The following ZPBP variants were observed in gnomAD, a reference collection of about 807,000 sequenced individuals.
ZPBP encodes zona pellucida binding protein.
ZPBP carries 26 observed loss-of-function variants against 44.8 expected under a neutral mutation model. The observed-to-expected ratio is 0.58, with a 90% CI of 0.43 to 0.81. The LOEUF is 0.81. ZPBP is among the 30% of genes least tolerant of loss of function. The pLI is 0.00. For synonymous variants in ZPBP, 174 were observed against 153.2 expected (o/e 1.14, Z -1.00); for missense variants, 409 against 434.0 (o/e 0.94, Z 0.51).
At chr7:49,968,967 T>G (rs1251000113) in intron 7 of ZPBP, among the ~76,000 whole-genome samples, 2 of 151,750 alleles carry the variant, frequency 1.3e-5, no homozygotes, top group Non-Finnish European at 2.9e-5. Context: ...ATAATGTTAT[T>G]CCATTTAAAT....
intron 4 of ZPBP, among the ~76,000 whole-genome samples, chr7:50,042,041 T>C (rs913676395): frequency 6.6e-6 from 1 of 151,938 alleles, no homozygotes; most frequent in Non-Finnish European, 1.5e-5. Flanking sequence ...CAAGTATCAA[T>C]AGCCAAATCA....
intron 2 of ZPBP, among the ~76,000 whole-genome samples, chr7:49,869,466 A>G (rs143821265): frequency 0.014 from 2,059 of 152,342 alleles, 38 homozygotes; most frequent in African/African-American, 0.047. Context: ...GATATAGGGA[A>G]AAAATTATCT....
At chr7:50,030,501 T>TAAA (rs11368628) in intron 5 of ZPBP, among the ~76,000 whole-genome samples, 15 of 149,858 alleles carry the variant, frequency 1.0e-4, no homozygotes, top group South Asian at 2.1e-4. Flanking sequence ...AATAATAATT[T>TAAA]AAAAAAAAAC....
At chr7:49,890,031 A>G (rs1792064970) in intron 2 of ZPBP, among the ~76,000 whole-genome samples, 1 of 151,062 alleles carries the variant, frequency 6.6e-6, no homozygotes, top group African/African-American at 2.4e-5. Flanking sequence ...AAGTATCAGA[A>G]CAAAGAACAC....
At chr7:49,963,683 A>T (rs1183306120) in intron 7 of ZPBP, among the ~76,000 whole-genome samples, 1 of 151,848 alleles carries the variant, frequency 6.6e-6, no homozygotes, top group East Asian at 1.9e-4. Flanking sequence ...AAATGTTTAA[A>T]ATTAAAATTA....
intron 2 of ZPBP, among the ~76,000 whole-genome samples, chr7:49,896,436 G>T (rs1250094620): frequency 6.6e-6 from 1 of 151,900 alleles, no homozygotes; most frequent in Non-Finnish European, 1.5e-5. Context: ...CATTAGAAAA[G>T]AGAAAAAAAT....
At chr7:49,925,528 G>C (rs1200248751) in intron 1 of ZPBP, among the ~76,000 whole-genome samples, 1 of 152,222 alleles carries the variant, frequency 6.6e-6, no homozygotes, top group Non-Finnish European at 1.5e-5. Context: ...GTGGGATTCT[G>C]ATGGAGCTGA....
At chr7:49,852,448 T>G (rs692270) in intron 2 of ZPBP, among the ~76,000 whole-genome samples, 1 of 152,190 alleles carries the variant, frequency 6.6e-6, no homozygotes, top group Non-Finnish European at 1.5e-5. Flanking sequence ...GAAATCTGAT[T>G]TGTGCATGGC....
At chr7:49,888,161 A>AT (rs34013819) in intron 2 of ZPBP, among the ~76,000 whole-genome samples, 20 of 152,162 alleles carry the variant, frequency 1.3e-4, no homozygotes, top group Admixed American at 2.0e-4. Flanking sequence ...AATGGCAATT[A>AT]TTTTTTTCTG....
At chr7:50,005,037 TA>T (rs71018443) in intron 6 of ZPBP, among the ~76,000 whole-genome samples, 43,545 of 105,666 alleles carry the variant, frequency 0.41, 6,945 homozygotes, top group Non-Finnish European at 0.47. Context: ...TGAATCATTT[TA>T]AAAAAAAAAA....
intron 4 of ZPBP, among the ~76,000 whole-genome samples, chr7:50,052,837 C>T (rs918352399): frequency 6.6e-6 from 1 of 152,024 alleles, no homozygotes; most frequent in African/African-American, 2.4e-5. Flanking sequence ...AAAGTCAATC[C>T]CCTAAGATTA....
rs1429655068 is a variant in ZPBP, at chr7:50,089,708, A to G, written c.129T>C (p.Val43=). The G allele has an allele frequency of 1.9e-6, 3 of 1,607,500 alleles. No individual in the cohort carries two copies. The Admixed American group carries it at 5.0e-5, about 27-fold the overall frequency. The part of the protein sequence containing the change: ...SAFLVRVPSS[V]GHLVRLPRAF... Reference sequence around the variant, plus strand: ...CTCTTGGTAATCGAACCAAGTGTCCAACTATCAAAAAAAAAGATCAACAAT... The same window carrying G: ...CTCTTGGTAATCGAACCAAGTGTCCGACTATCAAAAAAAAAGATCAACAAT... Residue 43 remains valine, a splice_region_variant and synonymous_variant, in exon 2 of 8, where the codon GTT becomes GTC. Coordinates refer to ENST00000046087, the MANE Select transcript of ZPBP (RefSeq NM_007009.3).
downstream of ZPBP, chr7:49,937,342 G>T (rs1794655318): frequency 1.8e-6 from 1 of 552,040 alleles, no homozygotes. Flanking sequence ...ATGTAGGTTT[G>T]GCATTAATGG....
intron 5 of ZPBP, among the ~76,000 whole-genome samples, chr7:50,027,916 A>G (rs1799414393): frequency 6.6e-6 from 1 of 152,010 alleles, no homozygotes; most frequent in Admixed American, 6.6e-5. Context: ...TTGAATCACT[A>G]ATCAAAAACC....
At chr7:50,063,646 G>A (rs1801360172) in intron 3 of ZPBP, among the ~76,000 whole-genome samples, 2 of 151,998 alleles carry the variant, frequency 1.3e-5, no homozygotes, top group Admixed American at 1.3e-4. Flanking sequence ...GACTAAGTCT[G>A]AACTGGAACA....
chr7:50,035,948 G>A (rs145658020), intron 4 of ZPBP, among the ~76,000 whole-genome samples: 39 of 152,064 alleles, frequency 2.6e-4, no homozygotes, highest in African/African-American at 7.5e-4. Context: ...TGAAAATATC[G>A]TCATTGAAAT....
intron 7 of ZPBP, among the ~76,000 whole-genome samples, chr7:49,946,119 TC>T (rs1410736820): frequency 6.6e-6 from 1 of 152,078 alleles, no homozygotes; most frequent in Non-Finnish European, 1.5e-5. Flanking sequence ...TTTAACTTCA[TC>T]CCCCCCTTTT....
chr7:50,018,259 G>A lies in ZPBP; in HGVS notation c.764C>T (p.Pro255Leu), dbSNP rs1405904908. ...PKRCTDHNCEPYKRLFKAKNL... is the reference protein window; with the variant it reads ...PKRCTDHNCELYKRLFKAKNL... ...ACATACCTTAAAAAGTCTTTTGTAA[G>A]GTTCACAGTTATGGTCTGTACATCG... The change falls in exon 6 of 8, where the codon CCT becomes CTT. Residue 255 changes from proline (P) to leucine (L), a missense_variant. Physicochemically the swap from Pro to Leu is moderately conservative, Grantham distance 98. Around this residue, in one of 2 missense-constraint regions of ZPBP, gnomAD observed 367 missense variants for 363.1 expected, o/e 1.01. Coordinates refer to ENST00000046087, the MANE Select transcript of ZPBP (RefSeq NM_007009.3). 6.2e-7 allele frequency: 1 copy of A among 1,610,630 alleles called. No homozygotes were observed. Among genetic ancestry groups the A allele is most frequent in the African/African-American group, 1.3e-5 (1 of 74,814 alleles).
chr7:50,021,559 T>C (rs919435316), intron 5 of ZPBP, among the ~76,000 whole-genome samples: 2 of 151,984 alleles, frequency 1.3e-5, no homozygotes, highest in African/African-American at 2.4e-5. Flanking sequence ...ATATACATGA[T>C]GGGAGACACA....
Sources: gnomAD v4.1 joint callset for allele counts (sites outside exome capture counted in the v4.1 genomes callset) on GRCh38, gnomAD v4.1.1 for gene constraint, gnomAD v4.1.1 regional missense constraint, MANE v1.5 for transcripts, NCBI Gene and HGNC (gene_info 2026-07-23, HGNC 2026-07-21) for gene names.